Variants in TTC28 observed in about 807,000 individuals in gnomAD.
TTC28 encodes the protein tetratricopeptide repeat protein 28.
A neutral mutation model predicts 198.0 loss-of-function variants in TTC28; 61 were observed. That is an observed-to-expected ratio of 0.31 (90% CI 0.25 to 0.38). The LOEUF (loss-of-function observed/expected upper bound fraction) is 0.38. TTC28 is among the 10% of genes least tolerant of loss of function. The probability of loss-of-function intolerance (pLI) is 1.00; values close to 1 mark genes in which losing one functional copy is unlikely to be tolerated. For missense variants in TTC28, 2,678 were observed against 3,164.0 expected, an observed-to-expected ratio of 0.85 and a Z score of 3.69; for synonymous variants, 1,171 against 1,297.8, an observed-to-expected ratio of 0.90 and a Z score of 2.10.
chr22:28,533,890 C>A (rs1036648026), intron 2 of TTC28, among the ~76,000 whole-genome samples: 1 of 152,044 alleles, frequency 6.6e-6, no homozygotes, highest in Non-Finnish European at 1.5e-5. Context: ...CCCTCCTTAC[C>A]CCTTGTACAA....
chr22:28,484,535 A>G (rs1455775787), intron 2 of TTC28, among the ~76,000 whole-genome samples: 3 of 152,168 alleles, frequency 2.0e-5, no homozygotes, highest in Admixed American at 1.3e-4. Flanking sequence ...CCTCCCTGGA[A>G]GCCTCTGGGG....
chr22:28,289,864 A>G (rs1044249528), intron 5 of TTC28, among the ~76,000 whole-genome samples: 2 of 151,962 alleles, frequency 1.3e-5, no homozygotes, highest in Non-Finnish European at 1.5e-5. Context: ...CATCTCTACT[A>G]AAAATAAAAA....
chr22:28,449,460 A>G lies in TTC28; in HGVS notation c.382-142817T>C, dbSNP rs527570178. On this transcript the variant is annotated intron_variant, in intron 2 of 22. Coordinates refer to ENST00000397906, the MANE Select transcript of TTC28 (RefSeq NM_001145418.2). The stretch of plus-strand genomic sequence containing the variant: ...ATTTTAACATTTTTTATTTCATTCA[A>G]ATAACATCTTCCTAACACTCTTATG... Among the ~76,000 whole-genome samples, 51 of 152,336 alleles carry G rather than the reference A, an allele frequency of 3.3e-4. 1 individual carries two copies. Among genetic ancestry groups the G allele is most frequent in the Non-Finnish European group, 6.3e-4 (43 of 68,018 alleles).
In TTC28 at chr22:28,391,817, C is replaced by T. The variant is rs537575475; in HGVS notation, c.382-85174G>A. ...CTCCCGTAGCTCGGAGTAATTTGAT[C>T]GTCTGAAGCCTTCTTCTCTCAGCTC... On this transcript the variant is annotated intron_variant, in intron 2 of 22. Coordinates refer to ENST00000397906, the MANE Select transcript of TTC28 (RefSeq NM_001145418.2). Among the ~76,000 whole-genome samples the T allele has an allele frequency of 3.9e-5, 6 of 152,300 alleles. No homozygotes were observed. In the South Asian group the frequency reaches 6.2e-4, roughly 16 times the overall value.
intron 2 of TTC28, among the ~76,000 whole-genome samples, chr22:28,530,467 C>A (rs951564343): frequency 3.3e-5 from 5 of 152,152 alleles, no homozygotes; most frequent in Non-Finnish European, 5.9e-5. Context: ...GAGAATGGAA[C>A]CAAGTTGGAA....
intron 2 of TTC28, among the ~76,000 whole-genome samples, chr22:28,519,128 C>A (rs913661466): frequency 3.3e-5 from 5 of 152,112 alleles, no homozygotes; most frequent in Non-Finnish European, 7.3e-5. Flanking sequence ...TAGCAGGAAG[C>A]AAGCCATTGA....
intron 12 of TTC28, among the ~76,000 whole-genome samples, chr22:28,063,208 T>C (rs1277832627): frequency 6.6e-6 from 1 of 152,048 alleles, no homozygotes; most frequent in African/African-American, 2.4e-5. Context: ...ATGGGCAGAG[T>C]TTATACACAA....
chr22:27,982,175 G>A lies in TTC28; in HGVS notation c.*46C>T, dbSNP rs1355316627. The A allele has an allele frequency of 9.7e-6, 14 of 1,450,482 alleles. No individual in the cohort carries two copies. Among genetic ancestry groups the A allele is most frequent in the Non-Finnish European group, 1.3e-5 (14 of 1,099,216 alleles). The allele number at this position is 1,450,482 out of a possible 1,614,324, so 89.9% of individuals were successfully genotyped here. ...AGGGAAGGGCTGAAGCAAACGCCAG[G>A]CCCCCATCTGCAGGCTGCTCAGAGT... On this transcript the variant is annotated 3_prime_UTR_variant, in exon 23 of 23. Coordinates refer to ENST00000397906, the MANE Select transcript of TTC28 (RefSeq NM_001145418.2). This position sits in a 1 kb window ranked among gnomAD's most constrained non-coding sequence, Gnocchi z 5.2.
At position 28,061,891 on chromosome 22, in the gene TTC28, T is replaced by G. The variant is rs187072379; in HGVS notation, c.3933-31525A>C. On this transcript the variant is annotated intron_variant, in intron 12 of 22. Transcript: ENST00000397906. ...CATTTGTTTGTGTCCTCTTTTATTT[T>G]GTTGAGCAGTGGTTTGTAGTTCTCC... Among the ~76,000 whole-genome samples, 1,464 of 152,238 alleles carry G rather than the reference T, an allele frequency of 9.6e-3. 26 individuals carry two copies. Among genetic ancestry groups the G allele is most frequent in the African/African-American group, 0.033 (1,364 of 41,534 alleles).
chr22:28,046,913 A>G (rs766858883), intron 12 of TTC28, among the ~76,000 whole-genome samples: 3 of 152,210 alleles, frequency 2.0e-5, no homozygotes, highest in Non-Finnish European at 4.4e-5. Context: ...TGCAATAAAT[A>G]TCAGATACAG....
chr22:28,394,839 T>TC (rs2046788758), intron 2 of TTC28, among the ~76,000 whole-genome samples: 1 of 152,252 alleles, frequency 6.6e-6, no homozygotes, highest in Non-Finnish European at 1.5e-5. Context: ...TATCATATTG[T>TC]CCCCAGTTGC....
At chr22:28,279,741 T>TCACCATA (rs2044547332) in intron 5 of TTC28, among the ~76,000 whole-genome samples, 1 of 152,156 alleles carries the variant, frequency 6.6e-6, no homozygotes, top group Non-Finnish European at 1.5e-5. Context: ...AACATTCCCA[T>TCACCATA]CACCATATAA....
chr22:28,654,338 TA>T lies in TTC28; in HGVS notation c.103-24509del, dbSNP rs553170687. Among the ~76,000 whole-genome samples the T allele has an allele frequency of 2.8e-3, 424 of 152,250 alleles. 3 individuals are homozygous for T. Among genetic ancestry groups the T allele is most frequent in the Non-Finnish European group, 4.7e-3 (319 of 68,014 alleles). ...ACAAAGGGCTTAAAATAAATATATA[TA>T]TTTTTTTGAGGCGGAGTCTCGCTCT... On this transcript the variant is annotated intron_variant, in intron 1 of 22. Coordinates refer to ENST00000397906, the MANE Select transcript of TTC28 (RefSeq NM_001145418.2).
chr22:28,140,153 C>G (rs7511599), intron 6 of TTC28, among the ~76,000 whole-genome samples: 1 of 152,102 alleles, frequency 6.6e-6, no homozygotes. Flanking sequence ...GAGGACAAAC[C>G]GAAGTGATTC....
intron 5 of TTC28, among the ~76,000 whole-genome samples, chr22:28,284,100 T>C (rs574189982): frequency 6.6e-6 from 1 of 152,212 alleles, no homozygotes; most frequent in East Asian, 1.9e-4. Flanking sequence ...TGGAATACCA[T>C]AGGAGGTTTG....
chr22:28,022,247 G>C (rs1005826203), intron 13 of TTC28, among the ~76,000 whole-genome samples: 1 of 152,170 alleles, frequency 6.6e-6, no homozygotes, highest in Non-Finnish European at 1.5e-5. Context: ...ACTGCACAGA[G>C]CACCAGTCCA....
chr22:28,529,337 A>G (rs2145891594), intron 2 of TTC28, among the ~76,000 whole-genome samples: 1 of 152,310 alleles, frequency 6.6e-6, no homozygotes, highest in African/African-American at 2.4e-5. Context: ...ATCGAACTGC[A>G]AGGCAGCAGC....
chr22:28,553,954 T>C (rs1253849501), intron 2 of TTC28, among the ~76,000 whole-genome samples: 3 of 152,108 alleles, frequency 2.0e-5, no homozygotes, highest in African/African-American at 2.4e-5. Context: ...GGGGAAAAGA[T>C]TGAGAAATCG....
chr22:28,262,315 C>T (rs920266248), intron 5 of TTC28, among the ~76,000 whole-genome samples: 3 of 152,104 alleles, frequency 2.0e-5, no homozygotes, highest in African/African-American at 7.2e-5. Flanking sequence ...CATTTATAAC[C>T]GACACAATGT....
Sources: gnomAD v4.1 joint callset for allele counts (sites outside exome capture counted in the v4.1 genomes callset) on GRCh38, gnomAD v4.1.1 for gene constraint, Gnocchi (gnomAD v3.1) non-coding constraint, MANE v1.5 for transcripts, NCBI Gene and HGNC (gene_info 2026-07-23, HGNC 2026-07-21) for gene names.